Variants in CFAP97D2 observed in about 807,000 individuals in gnomAD.
The protein encoded by CFAP97D2 is CFAP97 domain containing 2.
chr13:114,188,798 CA>C (rs1243815267), intron 1 of CFAP97D2, among the ~76,000 whole-genome samples: 1 of 147,708 alleles, frequency 6.8e-6, no homozygotes, highest in Admixed American at 6.8e-5. Flanking sequence ...AAAAGAAACT[CA>C]AAAAAAGAAA....
intron 1 of CFAP97D2, among the ~76,000 whole-genome samples, chr13:114,192,582 A>T (rs2080873635): frequency 6.6e-6 from 1 of 152,222 alleles, no homozygotes; most frequent in South Asian, 2.1e-4. Flanking sequence ...AAATTGTTCC[A>T]GTGCAGGGAG....
At chr13:114,182,585 T>C (rs2080839857) in intron 1 of CFAP97D2, among the ~76,000 whole-genome samples, 1 of 152,202 alleles carries the variant, frequency 6.6e-6, no homozygotes, top group South Asian at 2.1e-4. Context: ...ATACCCCGCT[T>C]TCAAGGGCAG....
rs143533752 is a variant in CFAP97D2 at position 114,188,017 on chromosome 13, G to A, written c.91-8379G>A. Among the ~76,000 whole-genome samples, 82 of 152,160 alleles carry A rather than the reference G, an allele frequency of 5.4e-4. No homozygotes were observed. In the East Asian group the frequency reaches 0.013, roughly 25 times the overall value. On this transcript the variant is annotated intron_variant, in intron 1 of 4. Coordinates refer to ENST00000646158, the Ensembl canonical transcript of CFAP97D2. ...ATGGGGGCTGGGTGCAGTAGCTCAC[G>A]CCTGTAATCCCAACAATTTGGGAGG...
At chr13:114,220,757 G>A (rs1308378626) in intron 4 of CFAP97D2, among the ~76,000 whole-genome samples, 2 of 152,116 alleles carry the variant, frequency 1.3e-5, no homozygotes, top group East Asian at 1.9e-4. Context: ...TTAAATAATC[G>A]GCTGACTCAG....
chr13:114,195,962 AGTCCCAG>A (rs1786351936), intron 1 of CFAP97D2, among the ~76,000 whole-genome samples: 1 of 151,446 alleles, frequency 6.6e-6, no homozygotes, highest in South Asian at 2.1e-4. Flanking sequence ...GGGCGCCTGT[AGTCCCAG>A]CTACTCGGGA....
intron 3 of CFAP97D2, among the ~76,000 whole-genome samples, chr13:114,202,291 C>G (rs1203550523): frequency 6.6e-6 from 1 of 152,114 alleles, no homozygotes; most frequent in Non-Finnish European, 1.5e-5. Flanking sequence ...AGATGAATAC[C>G]TCTGCCCAAG....
chr13:114,191,803 A>G (rs981971227), intron 1 of CFAP97D2, among the ~76,000 whole-genome samples: 1 of 152,210 alleles, frequency 6.6e-6, no homozygotes, highest in Non-Finnish European at 1.5e-5. Context: ...TTTATTCATA[A>G]TTGCCTAAAC....
intron 1 of CFAP97D2, among the ~76,000 whole-genome samples, chr13:114,182,034 C>T (rs539921502): frequency 1.6e-4 from 24 of 152,182 alleles, no homozygotes; most frequent in South Asian, 1.0e-3. Flanking sequence ...AGGGGACCGG[C>T]GCTCAGCATA....
chr13:114,207,900 C>T lies in CFAP97D2; in HGVS notation c.291-4012C>T, dbSNP rs2080948547. Among the ~76,000 whole-genome samples, 1 of 152,214 alleles carries T rather than the reference C, an allele frequency of 6.6e-6. No homozygotes were observed. Among genetic ancestry groups the T allele is most frequent in the Admixed American group, 6.5e-5 (1 of 15,286 alleles). On this transcript the variant is annotated intron_variant, in intron 3 of 4. Transcript: ENST00000646158. This position sits in a 1 kb window ranked among gnomAD's most constrained non-coding sequence, Gnocchi z 4.9. Reference sequence around the variant, plus strand: ...GGTCCAAAATATGTCCCATGCTCTTCCTCTAAGAGAAGACATTGGCCAGAA... The same window carrying T: ...GGTCCAAAATATGTCCCATGCTCTTTCTCTAAGAGAAGACATTGGCCAGAA...
rs535868950 is a variant in CFAP97D2, at chr13:114,200,588, G to T, written c.290+145G>T. On this transcript the variant is annotated intron_variant, in intron 3 of 4. Transcript: ENST00000646158. The stretch of plus-strand genomic sequence containing the variant: ...CCGAAAACAGCCACAGCTCTGAGGA[G>T]TGCCCTTTTCCTTGGCGGATTGTGA... The T allele has an allele frequency of 7.6e-6, 3 of 393,688 alleles. No homozygotes were observed. The East Asian group carries it at 1.1e-4, about 14-fold the overall frequency. The allele number at this position is 393,688 out of a possible 1,614,324, so 24.4% of individuals were successfully genotyped here.
In CFAP97D2 at chr13:114,211,279, A is replaced by C. The variant is rs1490249866; in HGVS notation, c.291-633A>C. 6.6e-6 allele frequency among the ~76,000 whole-genome samples: 1 copy of C among 152,074 alleles called. No homozygotes were observed. Among genetic ancestry groups the C allele is most frequent in the African/African-American group, 2.4e-5 (1 of 41,408 alleles). ...TTCACCGGTCCCATCTCACCACTGC[A>C]GTGGGCTGGCATCGATGCCCCTCCC... On this transcript the variant is annotated intron_variant, in intron 3 of 4. Transcript: ENST00000646158. The surrounding 1 kb of genome is among the most constrained non-coding windows in gnomAD (Gnocchi z 4.2).
chr13:114,183,983 C>T (rs1033213084), intron 1 of CFAP97D2, among the ~76,000 whole-genome samples: 2 of 152,014 alleles, frequency 1.3e-5, no homozygotes, highest in African/African-American at 4.8e-5. Context: ...CACCTTGTCT[C>T]TACAGTAAAA....
intron 1 of CFAP97D2, among the ~76,000 whole-genome samples, chr13:114,191,856 TA>T (rs2080870432): frequency 6.6e-6 from 1 of 152,084 alleles, no homozygotes; most frequent in Non-Finnish European, 1.5e-5. Flanking sequence ...AATGGATAAA[TA>T]AACCACGGTA....
At chr13:114,182,327 C>A (rs1279864635) in intron 1 of CFAP97D2, among the ~76,000 whole-genome samples, 9 of 152,190 alleles carry the variant, frequency 5.9e-5, no homozygotes, top group African/African-American at 2.2e-4. Flanking sequence ...CGCCTCCCGC[C>A]ATAGGGCTGT....
chr13:114,191,431 T>C (rs2080869190), intron 1 of CFAP97D2, among the ~76,000 whole-genome samples: 1 of 152,106 alleles, frequency 6.6e-6, no homozygotes, highest in African/African-American at 2.4e-5. Context: ...AATAAGAAAC[T>C]AAACAATCCA....
intron 1 of CFAP97D2, among the ~76,000 whole-genome samples, chr13:114,181,204 G>C (rs1480386807): frequency 6.6e-6 from 1 of 152,212 alleles, no homozygotes; most frequent in Admixed American, 6.5e-5. Context: ...GAGAGAAACT[G>C]GAAGTCACAT....
chr13:114,209,997 A>G (rs2080959840), intron 3 of CFAP97D2, among the ~76,000 whole-genome samples: 1 of 152,260 alleles, frequency 6.6e-6, no homozygotes, highest in Non-Finnish European at 1.5e-5. Context: ...TGATTATAAC[A>G]TAATACATAT....
intron 4 of CFAP97D2, among the ~76,000 whole-genome samples, chr13:114,220,671 C>T (rs1415039420): frequency 6.6e-6 from 1 of 152,170 alleles, no homozygotes; most frequent in African/African-American, 2.4e-5. Context: ...GTGCCCCAAC[C>T]CCAATAACTC....
At chr13:114,204,335 C>A (rs150152951) in intron 3 of CFAP97D2, among the ~76,000 whole-genome samples, 3 of 152,262 alleles carry the variant, frequency 2.0e-5, no homozygotes, top group African/African-American at 7.2e-5. Flanking sequence ...AGGAGGGCTG[C>A]GTGTTCTGGA....
Sources: allele counts gnomAD v4.1 joint callset (sites outside exome capture counted in the v4.1 genomes callset), GRCh38; gene constraint gnomAD v4.1.1; non-coding constraint Gnocchi (gnomAD v3.1); transcripts MANE v1.5; gene names NCBI Gene and HGNC (gene_info 2026-07-23, HGNC 2026-07-21).